Variants in USP33 observed in about 807,000 individuals in gnomAD.
USP33 encodes ubiquitin specific peptidase 33.
USP33 carries 46 observed loss-of-function variants against 124.2 expected under a neutral mutation model. The observed-to-expected ratio is 0.37, with a 90% CI of 0.29 to 0.47. The LOEUF is 0.47. Ranked by LOEUF, USP33 falls within the 20% of genes least tolerant of loss-of-function variation. The probability of loss-of-function intolerance (pLI) is 0.99; values close to 1 mark genes in which losing one functional copy is unlikely to be tolerated. For synonymous variants in USP33, 350 were observed against 352.3 expected (o/e 0.99, Z 0.07); for missense variants, 851 against 1,070.6 (o/e 0.79, Z 2.86).
chr1:77,700,308 A>G (rs539261688), intron 22 of USP33, among the ~76,000 whole-genome samples: 1 of 152,326 alleles, frequency 6.6e-6, no homozygotes, highest in South Asian at 2.1e-4. Context: ...GCTGGAGCCC[A>G]GGAGTTTGAG....
chr1:77,750,308 G>C (rs948289406), intron 1 of USP33, among the ~76,000 whole-genome samples: 2 of 144,816 alleles, frequency 1.4e-5, no homozygotes, highest in African/African-American at 2.6e-5. Context: ...ACAGAGCAAG[G>C]CTCCATCTCC....
At chr1:77,724,551 G>C (rs1040771697) in intron 11 of USP33, among the ~76,000 whole-genome samples, 1 of 152,016 alleles carries the variant, frequency 6.6e-6, no homozygotes, top group African/African-American at 2.4e-5. Context: ...AGACACTCTG[G>C]TAAAAAGTCT....
Position 77,741,325 on chromosome 1 carries a change from C to A in USP33, c.135+51G>T, listed in dbSNP as rs368914483. ...ATTTTCTGGTTATGATTATTCAGAT[C>A]CAAATTTATTATTATTATAGCAATC... On this transcript the variant is annotated intron_variant, in intron 3 of 23. Coordinates refer to ENST00000370794, the MANE Select transcript of USP33 (RefSeq NM_201624.3). The A allele has an allele frequency of 7.5e-5, 115 of 1,528,946 alleles. 2 individuals are homozygous for A. The African/African-American group carries it at 1.6e-3, about 21-fold the overall frequency. The allele number at this position is 1,528,946 out of a possible 1,614,324, so 94.7% of individuals were successfully genotyped here.
chr1:77,729,595 CG>C (rs1677565002), intron 9 of USP33, among the ~76,000 whole-genome samples: 1 of 151,892 alleles, frequency 6.6e-6, no homozygotes, highest in Non-Finnish European at 1.5e-5. Context: ...CGCTTGAATT[CG>C]GGAGGTGGAG....
chr1:77,717,979 A>G lies in USP33; in HGVS notation c.1806T>C (p.Val602=). ...GATCCAAGCCTTCTAGCGGAAATGA[A>G]ACATGGGTACTGATTTTGGTGGAAA... The part of the protein sequence containing the change: ...LMFSTKISTH[V]SFPLEGLDLQ... The change falls in exon 17 of 24, where the codon GTT becomes GTC. Residue 602 remains valine, a synonymous_variant. Coordinates refer to ENST00000370794, the MANE Select transcript of USP33 (RefSeq NM_201624.3). 1 of 1,614,106 alleles carries G rather than the reference A, an allele frequency of 6.2e-7. No individual in the cohort carries two copies. The highest frequency in any genetic ancestry group is 1.6e-4 in the Middle Eastern group (1 of 6,062).
intron 1 of USP33, among the ~76,000 whole-genome samples, chr1:77,754,710 T>C (rs558234691): frequency 3.3e-5 from 5 of 152,292 alleles, no homozygotes; most frequent in African/African-American, 1.2e-4. Flanking sequence ...TACTAGAAAA[T>C]CTGTCTCATT....
At chr1:77,741,452 C>T in intron 2 of USP33, 23 bp from the exon 3 acceptor site, 3 of 1,595,794 alleles carry the variant, frequency 1.9e-6, no homozygotes, top group Non-Finnish European at 2.6e-6. Context: ...ATTAAAAAGA[C>T]AACATTGGTT....
chr1:77,713,177 A>G, intron 20 of USP33, 23 bp downstream of exon 20: 1 of 1,588,372 alleles, frequency 6.3e-7, no homozygotes. Flanking sequence ...ACAACACTGT[A>G]TGGTCTGATT....
intron 21 of USP33, among the ~76,000 whole-genome samples, chr1:77,706,668 A>G (rs1433667488): frequency 1.3e-5 from 2 of 152,230 alleles, no homozygotes; most frequent in African/African-American, 2.4e-5. Flanking sequence ...GCTATCATGC[A>G]AAAGATGTTG....
chr1:77,713,936 A>G (rs1185368055), intron 19 of USP33, among the ~76,000 whole-genome samples: 4 of 152,178 alleles, frequency 2.6e-5, no homozygotes, highest in African/African-American at 9.7e-5. Context: ...ATGAACATAC[A>G]CCTTAAAATT....
At chr1:77,723,943 C>T (rs542182081) in intron 11 of USP33, among the ~76,000 whole-genome samples, 5 of 151,946 alleles carry the variant, frequency 3.3e-5, no homozygotes, top group Non-Finnish European at 7.4e-5. Context: ...AGATTACAGG[C>T]GTGAGCCACC....
chr1:77,702,037 G>A (rs959115289), intron 21 of USP33, among the ~76,000 whole-genome samples: 1 of 149,978 alleles, frequency 6.7e-6, no homozygotes, highest in Non-Finnish European at 1.5e-5. Context: ...GCTATTCGGG[G>A]AAGCTGAGGT....
chr1:77,708,091 G>T (rs548008234), intron 21 of USP33, among the ~76,000 whole-genome samples: 96 of 152,290 alleles, frequency 6.3e-4, no homozygotes, highest in Middle Eastern at 6.8e-3. Flanking sequence ...GCATGATATT[G>T]TTGCTACTGT....
chr1:77,719,010 G>A (rs188502157), intron 15 of USP33, among the ~76,000 whole-genome samples: 30 of 151,594 alleles, frequency 2.0e-4, no homozygotes, highest in African/African-American at 6.8e-4. Context: ...ACTGAATTAC[G>A]TTACATGTAT....
chr1:77,739,085 C>A (rs1409626410), intron 5 of USP33, among the ~76,000 whole-genome samples, 180 bp downstream of exon 5: 1 of 152,010 alleles, frequency 6.6e-6, no homozygotes, highest in Non-Finnish European at 1.5e-5. Flanking sequence ...TAATCTAGCA[C>A]TCTAAGCAAC....
chr1:77,727,222 C>T (rs1184137094), intron 10 of USP33, among the ~76,000 whole-genome samples: 2 of 152,146 alleles, frequency 1.3e-5, no homozygotes, highest in Non-Finnish European at 2.9e-5. Flanking sequence ...TTACAGACTT[C>T]GCCAGATTTT....
chr1:77,752,140 A>AT (rs113780334), intron 1 of USP33, among the ~76,000 whole-genome samples: 1,494 of 139,620 alleles, frequency 0.011, 9 homozygotes, highest in South Asian at 0.019. Context: ...TATTAGTACA[A>AT]TTTTTTTTTT....
chr1:77,707,504 G>A (rs1247058648), intron 21 of USP33, among the ~76,000 whole-genome samples: 1 of 152,128 alleles, frequency 6.6e-6, no homozygotes, highest in Non-Finnish European at 1.5e-5. Context: ...CTTTTTTCAA[G>A]TAAGGTCACA....
intron 22 of USP33, among the ~76,000 whole-genome samples, chr1:77,698,788 C>A (rs1369725170): frequency 1.3e-5 from 2 of 152,154 alleles, no homozygotes; most frequent in African/African-American, 2.4e-5. Context: ...GCATGAGCCA[C>A]CACGCCCGGC....
Sources: allele counts gnomAD v4.1 joint callset (sites outside exome capture counted in the v4.1 genomes callset), GRCh38; gene constraint gnomAD v4.1.1; transcripts MANE v1.5; gene names NCBI Gene and HGNC (gene_info 2026-07-23, HGNC 2026-07-21).